Variants in THSD7A observed in about 807,000 individuals in gnomAD.
THSD7A encodes thrombospondin type 1 domain containing 7A.
A neutral mutation model predicts 231.3 loss-of-function variants in THSD7A; 96 were observed. That is an observed-to-expected ratio of 0.41 (90% CI 0.35 to 0.49). THSD7A has a LOEUF of 0.49. THSD7A is among the 20% of genes least tolerant of loss of function. THSD7A has a pLI of 0.05. For synonymous variants in THSD7A, 940 were observed against 743.3 expected, an observed-to-expected ratio of 1.26 and a Z score of -4.30; for missense variants, 2,290 against 2,070.2, an observed-to-expected ratio of 1.11 and a Z score of -2.06.
At chr7:11,539,717 A>G (rs1789062149) in intron 6 of THSD7A, among the ~76,000 whole-genome samples, 2 of 152,212 alleles carry the variant, frequency 1.3e-5, no homozygotes, top group Middle Eastern at 3.2e-3. Flanking sequence ...TATATAAAAT[A>G]TATTCCATTA....
chr7:11,578,285 T>G (rs981236398), intron 4 of THSD7A, among the ~76,000 whole-genome samples: 28 of 152,212 alleles, frequency 1.8e-4, no homozygotes, highest in African/African-American at 6.8e-4. Flanking sequence ...GGAAATGATT[T>G]ACATATGTTA....
chr7:11,536,341 T>C (rs192534860), intron 6 of THSD7A, among the ~76,000 whole-genome samples: 100 of 152,280 alleles, frequency 6.6e-4, no homozygotes, highest in Non-Finnish European at 1.3e-3. Context: ...CTGGCCAGTT[T>C]GGATCCCATG....
chr7:11,810,300 C>T (rs1784497409), intron 1 of THSD7A, among the ~76,000 whole-genome samples: 1 of 152,166 alleles, frequency 6.6e-6, no homozygotes, highest in Admixed American at 6.6e-5. Flanking sequence ...TCTCTCACCT[C>T]TCAGAGTTTT....
At chr7:11,495,496 T>C (rs982935058) in intron 6 of THSD7A, among the ~76,000 whole-genome samples, 1 of 152,146 alleles carries the variant, frequency 6.6e-6, no homozygotes, top group Non-Finnish European at 1.5e-5. Flanking sequence ...CTGACACCTT[T>C]ACCTCCCAAT....
At chr7:11,804,406 TGA>T (rs908636368) in intron 1 of THSD7A, among the ~76,000 whole-genome samples, 1 of 152,184 alleles carries the variant, frequency 6.6e-6, no homozygotes, top group Non-Finnish European at 1.5e-5. Context: ...AGATTTGTGA[TGA>T]GTTTCGAAGT....
chr7:11,664,958 T>A (rs1024446640), intron 1 of THSD7A, among the ~76,000 whole-genome samples: 1 of 152,010 alleles, frequency 6.6e-6, no homozygotes, highest in Non-Finnish European at 1.5e-5. Flanking sequence ...AAAGGGTGGC[T>A]TAGGTATTAA....
chr7:11,584,393 G>A (rs1169111307), intron 4 of THSD7A, among the ~76,000 whole-genome samples: 1 of 151,922 alleles, frequency 6.6e-6, no homozygotes, highest in South Asian at 2.1e-4. Context: ...TTTTTAACAT[G>A]CATAATGAGT....
At chr7:11,574,436 C>CTT (rs535754264) in intron 4 of THSD7A, among the ~76,000 whole-genome samples, 41,095 of 138,004 alleles carry the variant, frequency 0.3, 6,192 homozygotes, top group Middle Eastern at 0.38. Flanking sequence ...GAAACAAAAA[C>CTT]TTTTTTTTTT....
intron 1 of THSD7A, among the ~76,000 whole-genome samples, chr7:11,793,037 G>A (rs542160472): frequency 4.6e-5 from 7 of 151,710 alleles, no homozygotes; most frequent in African/African-American, 1.2e-4. Context: ...AGTTATGATG[G>A]GAAACAGAAA....
chr7:11,563,324 A>G lies in THSD7A; in HGVS notation c.1454-20207T>C, dbSNP rs557375273. Among the ~76,000 whole-genome samples the G allele has an allele frequency of 8.5e-5, 13 of 152,254 alleles. No individual in the cohort carries two copies. The South Asian group carries it at 2.5e-3, about 29-fold the overall frequency. ...TTAATGCGCTTCAAAGCTCCCTGCC[A>G]GTCCTTTTTAGCTACGATAACTCAT... is the stretch of plus-strand genomic sequence containing the variant. On this transcript the variant is annotated intron_variant, in intron 4 of 27. Coordinates refer to ENST00000423059, the MANE Select transcript of THSD7A (RefSeq NM_015204.3).
chr7:11,719,039 T>C (rs1781250674), intron 1 of THSD7A, among the ~76,000 whole-genome samples: 1 of 151,734 alleles, frequency 6.6e-6, no homozygotes, highest in Admixed American at 6.6e-5. Flanking sequence ...GTATTTTCTC[T>C]ATAAGCAATA....
Position 11,565,181 on chromosome 7 carries a change from A to T in THSD7A, c.1454-22064T>A, listed in dbSNP as rs138734131. 1.7e-4 allele frequency among the ~76,000 whole-genome samples: 26 copies of T among 152,362 alleles called. No homozygotes were observed. In the East Asian group the frequency reaches 4.8e-3, roughly 28 times the overall value. On this transcript the variant is annotated intron_variant, in intron 4 of 27. Coordinates refer to ENST00000423059, the MANE Select transcript of THSD7A (RefSeq NM_015204.3). The stretch of plus-strand genomic sequence containing the variant: ...ACAGCATTAACTGATACTGTAAATT[A>T]AAATAAGCAGTCTGGAATATGTATG...
intron 2 of THSD7A, among the ~76,000 whole-genome samples, chr7:11,626,594 T>C (rs1038364436): frequency 6.6e-6 from 1 of 152,136 alleles, no homozygotes; most frequent in Non-Finnish European, 1.5e-5. Flanking sequence ...TTGACAATTT[T>C]AGCCCTTAAT....
Position 11,831,867 on chromosome 7 carries a change from G to C in THSD7A, c.80C>G (p.Pro27Arg). Residue 27 changes from proline (P) to arginine (R), a missense_variant, in exon 1 of 28, where the codon CCG (proline) becomes CGG (arginine). Transcript: ENST00000423059. This position sits in a 1 kb window ranked among gnomAD's most constrained non-coding sequence, Gnocchi z 5.0. The part of the protein sequence containing the change: ...GPRRGVLQLL[P>R]LPLPLPLLLL... The stretch of plus-strand genomic sequence containing the variant: ...GAGCAGCGGCAGCGGCAGCGGCAGC[G>C]GCAGCAGCTGCAGGACGCCCCGGCG... 3 of 1,275,014 alleles carry C rather than the reference G, an allele frequency of 2.4e-6. No homozygotes were observed. Among genetic ancestry groups the C allele is most frequent in the Non-Finnish European group, 9.9e-7 (1 of 1,008,616 alleles). The allele number at this position is 1,275,014 out of a possible 1,614,324, so 79.0% of individuals were successfully genotyped here. A position where few individuals can be genotyped will look rare whatever the true frequency, so the allele number is the denominator to read the frequency against.
intron 4 of THSD7A, among the ~76,000 whole-genome samples, chr7:11,551,710 G>C (rs1363252718): frequency 6.6e-6 from 1 of 152,024 alleles, no homozygotes; most frequent in Non-Finnish European, 1.5e-5. Flanking sequence ...AGCTGGCAAG[G>C]TTTCTAAGAA....
At chr7:11,797,694 C>T (rs1261402219) in intron 1 of THSD7A, among the ~76,000 whole-genome samples, 2 of 152,044 alleles carry the variant, frequency 1.3e-5, no homozygotes, top group African/African-American at 4.8e-5. Flanking sequence ...ATTGGGATTA[C>T]AGGCTTGTGC....
intron 4 of THSD7A, among the ~76,000 whole-genome samples, chr7:11,561,492 AC>A: frequency 6.6e-6 from 1 of 152,352 alleles, no homozygotes; most frequent in East Asian, 1.9e-4. Context: ...AACAGTAAGC[AC>A]TTACATGGCA....
intron 1 of THSD7A, among the ~76,000 whole-genome samples, chr7:11,717,702 A>G (rs1781189104): frequency 2.6e-5 from 4 of 151,598 alleles, no homozygotes; most frequent in South Asian, 4.1e-4. Flanking sequence ...CCCTTCATCC[A>G]TAAAACAACT....
chr7:11,481,889 G>C lies in THSD7A; in HGVS notation c.1916C>G (p.Thr639Arg). 1 of 1,613,804 alleles carries C rather than the reference G, an allele frequency of 6.2e-7. No individual in the cohort carries two copies. Among genetic ancestry groups the C allele is most frequent in the Non-Finnish European group, 8.5e-7 (1 of 1,179,754 alleles). Reference protein sequence around the residue: ...APCPKDCVLSTWSTWSSCSHT... With the variant: ...APCPKDCVLSRWSTWSSCSHT... Reference sequence around the variant, plus strand: ...TGAGCAGGAGGACCACGTAGACCATGTGCTGAGCACACAGTCTTTCGGGCA... The same window carrying C: ...TGAGCAGGAGGACCACGTAGACCATCTGCTGAGCACACAGTCTTTCGGGCA... Residue 639 changes from threonine (T) to arginine (R), a missense_variant, in exon 7 of 28, where the codon ACA becomes AGA. Physicochemically the swap from Thr to Arg is moderately conservative, Grantham distance 71 (BLOSUM62 -1). Coordinates refer to ENST00000423059, the MANE Select transcript of THSD7A (RefSeq NM_015204.3).
Sources: allele counts gnomAD v4.1 joint callset (sites outside exome capture counted in the v4.1 genomes callset), GRCh38; gene constraint gnomAD v4.1.1; non-coding constraint Gnocchi (gnomAD v3.1); transcripts MANE v1.5; gene names NCBI Gene and HGNC (gene_info 2026-07-23, HGNC 2026-07-21).